The following ADAMTS15 variants were observed in gnomAD, a reference collection of about 807,000 sequenced individuals.
The protein encoded by ADAMTS15 is ADAM metallopeptidase with thrombospondin type 1 motif 15.
A neutral mutation model predicts 79.1 loss-of-function variants in ADAMTS15; 35 were observed. The ratio of observed to expected loss-of-function variants is 0.44; its 90% CI spans 0.34 to 0.59. The LOEUF (loss-of-function observed/expected upper bound fraction) is 0.59, where lower values mean the gene tolerates loss of function less well. ADAMTS15 is among the 20% of genes least tolerant of loss of function. The pLI is 0.02. For missense variants in ADAMTS15, 1,324 were observed against 1,318.7 expected (o/e 1.00, Z -0.06); for synonymous variants, 616 against 567.3 (o/e 1.09, Z -1.22).
At chr11:130,453,093 C>T (rs1281559244) in intron 1 of ADAMTS15, among the ~76,000 whole-genome samples, 1 of 152,176 alleles carries the variant, frequency 6.6e-6, no homozygotes, top group Admixed American at 6.5e-5. Context: ...CAGACCAGCC[C>T]TGTTGGGGAG....
chr11:130,470,184 G>GTATATATA (rs1281455253), intron 5 of ADAMTS15, among the ~76,000 whole-genome samples: 2 of 50,184 alleles, frequency 4.0e-5, no homozygotes, highest in South Asian at 5.8e-4. Flanking sequence ...ATATATATGT[G>GTATATATA]TGTATATATA....
intron 4 of ADAMTS15, among the ~76,000 whole-genome samples, chr11:130,464,842 T>C (rs1938269171): frequency 6.6e-6 from 1 of 151,912 alleles, no homozygotes; most frequent in African/African-American, 2.4e-5. Flanking sequence ...TGGCAGATGC[T>C]TGTAGTTCCA....
Position 130,461,491 on chromosome 11 carries a change from C to T in ADAMTS15, c.960C>T (p.Asp320=), listed in dbSNP as rs536197273. 1.9e-6 allele frequency: 3 copies of T among 1,614,110 alleles called. No individual in the cohort carries two copies. In the Admixed American group the frequency reaches 5.0e-5, roughly 27 times the overall value. ...WDTAILFTRQ[D]LCGATTCDTL... ...TCTGCTTCTCCCCCACCCGGCAGGA[C>T]CTGTGTGGAGCCACCACCTGTGACA... Residue 320 remains aspartate, a splice_region_variant and synonymous_variant, in exon 2 of 8, where the codon GAC becomes GAT. Coordinates refer to ENST00000299164, the MANE Select transcript of ADAMTS15 (RefSeq NM_139055.4).
rs1234443416 is a variant in ADAMTS15 at position 130,472,996 on chromosome 11, T to C, written c.2079-51T>C. 1 of 1,590,492 alleles carries C rather than the reference T, an allele frequency of 6.3e-7. No individual in the cohort carries two copies. The highest frequency in any genetic ancestry group is 2.2e-5 in the East Asian group (1 of 44,640). On this transcript the variant is annotated intron_variant, in intron 7 of 7. Coordinates refer to ENST00000299164, the MANE Select transcript of ADAMTS15 (RefSeq NM_139055.4). The surrounding 1 kb of genome is among the most constrained non-coding windows in gnomAD (Gnocchi z 4.7). The stretch of plus-strand genomic sequence containing the variant: ...GGAAAACAGATCCTGGAGCATAAGG[T>C]CCTCAGGTCCAGGCTTCTATCTGAT...
rs778980719 is a variant in ADAMTS15, at chr11:130,449,342, C to A, written c.369C>A (p.Leu123=). The change falls in exon 1 of 8, where the codon CTC becomes CTA. Residue 123 remains leucine (L), a synonymous_variant. Coordinates refer to ENST00000299164, the MANE Select transcript of ADAMTS15 (RefSeq NM_139055.4). The surrounding 1 kb of genome is among the most constrained non-coding windows in gnomAD (Gnocchi z 7.8). ...SFAAVSLCGG[L]RGAFGYRGAE... is the part of the protein sequence containing the mutation. ...CTGCTGTGAGCCTGTGCGGGGGGCT[C>A]CGCGGAGCCTTTGGCTACCGAGGCG... 1 of 1,608,320 alleles carries A rather than the reference C, an allele frequency of 6.2e-7. No individual in the cohort carries two copies.
In ADAMTS15 at chr11:130,449,560, C is replaced by A; in HGVS notation, c.587C>A (p.Ala196Glu). Residue 196 changes from alanine to glutamate, a missense_variant, in exon 1 of 8, where the codon GCG becomes GAG. Physicochemically the swap from Ala to Glu is moderately radical, Grantham distance 107. Coordinates refer to ENST00000299164, the MANE Select transcript of ADAMTS15 (RefSeq NM_139055.4). This position sits in a 1 kb window ranked among gnomAD's most constrained non-coding sequence, Gnocchi z 7.8. ...CTGGACCCTTACAAGCCGCGGCGGGCGGGCTTCGGGGAGAGTCGTAGCCGG... is the reference window on the plus strand; with the variant it reads ...CTGGACCCTTACAAGCCGCGGCGGGAGGGCTTCGGGGAGAGTCGTAGCCGG... ...RALDPYKPRR[A>E]GFGESRSRRR... The A allele has an allele frequency of 6.3e-7, 1 of 1,582,832 alleles. No individual in the cohort carries two copies. The highest frequency in any genetic ancestry group is 1.2e-5 in the South Asian group (1 of 86,220).
At chr11:130,470,156 A>ATATATATATATATATATATATATATGTG (rs1938403336) in intron 5 of ADAMTS15, among the ~76,000 whole-genome samples, 2 of 44,420 alleles carry the variant, frequency 4.5e-5, no homozygotes, top group Admixed American at 2.2e-4. Context: ...ATATATGTGT[A>ATATATATATATATATATATATATATGTG]TATATATATA....
chr11:130,452,979 CAA>C (rs139829512), intron 1 of ADAMTS15, among the ~76,000 whole-genome samples: 68,814 of 126,422 alleles, frequency 0.54, 17,118 homozygotes, highest in African/African-American at 0.66. Context: ...GGCTCTGTCT[CAA>C]AAAAAAAAAA....
At chr11:130,460,563 C>T (rs1938178530) in intron 1 of ADAMTS15, among the ~76,000 whole-genome samples, 1 of 152,156 alleles carries the variant, frequency 6.6e-6, no homozygotes, top group Non-Finnish European at 1.5e-5. Flanking sequence ...AGGTGTGGGC[C>T]ACCGTGCCTG....
chr11:130,457,986 C>T lies in ADAMTS15; in HGVS notation c.958-3503C>T, dbSNP rs568946472. ...TTGCCGGCTCTTTCCTTGTTCCTCT[C>T]ATTTGATCCAGGGAAACCGGGACTT... On this transcript the variant is annotated intron_variant, in intron 1 of 7. Transcript: ENST00000299164. Among the ~76,000 whole-genome samples the T allele has an allele frequency of 5.3e-5, 8 of 152,274 alleles. No individual in the cohort carries two copies. In the South Asian group the frequency reaches 1.2e-3, roughly 24 times the overall value.
intron 1 of ADAMTS15, among the ~76,000 whole-genome samples, chr11:130,457,863 G>A (rs1458790183): frequency 2.6e-5 from 4 of 152,158 alleles, no homozygotes; most frequent in Non-Finnish European, 5.9e-5. Context: ...AGGAGGACAG[G>A]CAGAGCTTCT....
rs557375338 is a variant in ADAMTS15 at position 130,476,000 on chromosome 11, C to T, written c.*2179C>T. 1 of 152,268 alleles carries T rather than the reference C, an allele frequency of 6.6e-6. No homozygotes were observed. Among genetic ancestry groups the T allele is most frequent in the African/African-American group, 2.4e-5 (1 of 41,458 alleles). 9.4% of individuals were successfully genotyped at this position (152,268 alleles called of 1,614,324 possible). A position where few individuals can be genotyped will look rare whatever the true frequency, so the allele number is the denominator to read the frequency against. ...ACCATTTCAAGGAAGGACAACCTCT[C>T]TGGCTCCTGACACAAGCCAGGCCTC... On this transcript the variant is annotated 3_prime_UTR_variant, in exon 8 of 8. Coordinates refer to ENST00000299164, the MANE Select transcript of ADAMTS15 (RefSeq NM_139055.4).
At chr11:130,471,180 T>C (rs367870874) in intron 6 of ADAMTS15, 28 bp from the exon 7 acceptor site, 4 of 1,586,428 alleles carry the variant, frequency 2.5e-6, no homozygotes, top group African/African-American at 2.7e-5. Context: ...CTGCTCTTCC[T>C]TCTTTTTCCC....
At position 130,461,479 on chromosome 11, in the gene ADAMTS15, C is replaced by T; in HGVS notation, c.958-10C>T. ...TTCGGGCTGGCTTCTGCTTCTCCCC[C>T]ACCCGGCAGGACCTGTGTGGAGCCA... On this transcript the variant is annotated splice_polypyrimidine_tract_variant and intron_variant, in intron 1 of 7. Transcript: ENST00000299164. 1 of 1,614,038 alleles carries T rather than the reference C, an allele frequency of 6.2e-7. No individual in the cohort carries two copies. Among genetic ancestry groups the T allele is most frequent in the Non-Finnish European group, 8.5e-7 (1 of 1,180,020 alleles).
At chr11:130,461,430 G>C in intron 1 of ADAMTS15, 59 bp from the exon 2 acceptor site, 1 of 1,611,214 alleles carries the variant, frequency 6.2e-7, no homozygotes, top group South Asian at 1.1e-5. Context: ...TTCCCTTCAG[G>C]TCCCTTCTGT....
Position 130,469,376 on chromosome 11 carries a change from A to G in ADAMTS15, c.1657A>G (p.Lys553Glu). ...CAACCCCACCCCTGCCAACGGGGGC[A>G]AGTACTGCGAGGGAGTGAGGGTGAA... ...CTNPTPANGG[K>E]YCEGVRVKYR... Residue 553 changes from lysine to glutamate, a missense_variant, in exon 5 of 8, where the codon AAG (lysine) becomes GAG (glutamate). By Grantham distance (56) the Lys-to-Glu change is moderately conservative. Coordinates refer to ENST00000299164, the MANE Select transcript of ADAMTS15 (RefSeq NM_139055.4). The G allele has an allele frequency of 7.3e-7, 1 of 1,362,320 alleles. No homozygotes were observed. Among genetic ancestry groups the G allele is most frequent in the Non-Finnish European group, 9.5e-7 (1 of 1,048,840 alleles). 84.4% of individuals were successfully genotyped at this position (1,362,320 alleles called of 1,614,324 possible).
chr11:130,462,971 C>T lies in ADAMTS15; in HGVS notation c.1542+191C>T, dbSNP rs942249971. 7.2e-5 allele frequency among the ~76,000 whole-genome samples: 11 copies of T among 152,192 alleles called. No homozygotes were observed. Among genetic ancestry groups the T allele is most frequent in the South Asian group, 2.1e-4 (1 of 4,836 alleles). On this transcript the variant is annotated intron_variant, in intron 4 of 7. Transcript: ENST00000299164. The surrounding 1 kb of genome is among the most constrained non-coding windows in gnomAD (Gnocchi z 4.3). ...CCTATCCCCTTCTTGACTCTAAGAC[C>T]GGAGAGAAAAGCTATGGCAGGTCAG...
chr11:130,454,712 G>A (rs1235071335), intron 1 of ADAMTS15, among the ~76,000 whole-genome samples: 1 of 152,146 alleles, frequency 6.6e-6, no homozygotes, highest in East Asian at 1.9e-4. Context: ...AGAGGGAGGA[G>A]TGCAATATGT....
At chr11:130,459,979 G>A (rs1231855640) in intron 1 of ADAMTS15, among the ~76,000 whole-genome samples, 2 of 152,198 alleles carry the variant, frequency 1.3e-5, no homozygotes, top group Non-Finnish European at 2.9e-5. Context: ...GCCTGTGGAA[G>A]GTGGTAGTAA....
Sources: gnomAD v4.1 joint callset for allele counts (sites outside exome capture counted in the v4.1 genomes callset) on GRCh38, gnomAD v4.1.1 for gene constraint, Gnocchi (gnomAD v3.1) non-coding constraint, MANE v1.5 for transcripts, NCBI Gene and HGNC (gene_info 2026-07-23, HGNC 2026-07-21) for gene names.